Variants in CDH13 observed in about 807,000 individuals in gnomAD.
The protein encoded by CDH13 is cadherin-13.
A neutral mutation model predicts 63.8 loss-of-function variants in CDH13; 24 were observed. That is an observed-to-expected ratio of 0.38 (90% confidence interval 0.27 to 0.53). CDH13 has a LOEUF of 0.53. Ranked by LOEUF, CDH13 falls within the 20% of genes least tolerant of loss-of-function variation. The pLI is 0.85. For synonymous variants in CDH13, 503 were observed against 355.3 expected (o/e 1.42, Z -4.67); for missense variants, 1,049 against 903.1 (o/e 1.16, Z -2.07).
intron 4 of CDH13, among the ~76,000 whole-genome samples, chr16:83,190,125 A>C (rs751738050): frequency 6.6e-6 from 1 of 152,202 alleles, no homozygotes; most frequent in Non-Finnish European, 1.5e-5. Context: ...ACACACATCT[A>C]ACAAGAATAC....
chr16:82,959,968 T>A (rs1308580846), intron 2 of CDH13, among the ~76,000 whole-genome samples: 2 of 152,270 alleles, frequency 1.3e-5, no homozygotes, highest in Non-Finnish European at 2.9e-5. Context: ...TGTTGTTTTA[T>A]TTTTTAAAAA....
At chr16:83,792,023 C>G (rs186475042) in intron 13 of CDH13, among the ~76,000 whole-genome samples, 1 of 152,330 alleles carries the variant, frequency 6.6e-6, no homozygotes, top group Admixed American at 6.5e-5. Context: ...GCAATCCAGG[C>G]TCTCATTGAT....
At chr16:83,472,978 C>G (rs16960595) in intron 6 of CDH13, among the ~76,000 whole-genome samples, 3,405 of 152,142 alleles carry the variant, frequency 0.022, 137 homozygotes, top group African/African-American at 0.077. Context: ...ATGAATCCTG[C>G]CAAATGGAAA....
At chr16:83,371,942 C>G (rs901429954) in intron 6 of CDH13, among the ~76,000 whole-genome samples, 1 of 152,118 alleles carries the variant, frequency 6.6e-6, no homozygotes, top group Non-Finnish European at 1.5e-5. Context: ...ACTAATCATC[C>G]CCCGGACCGT....
At chr16:83,714,644 C>A (rs1347975276) in intron 10 of CDH13, among the ~76,000 whole-genome samples, 1 of 152,194 alleles carries the variant, frequency 6.6e-6, no homozygotes, top group Non-Finnish European at 1.5e-5. Context: ...GAGACTGTAA[C>A]ATATGACTAT....
chr16:83,329,841 G>T (rs1236400299), intron 5 of CDH13, among the ~76,000 whole-genome samples: 8 of 152,140 alleles, frequency 5.3e-5, no homozygotes, highest in Non-Finnish European at 5.9e-5. Context: ...TTATATTGTA[G>T]CATGTATCCA....
At chr16:83,579,105 C>A (rs1044522224) in intron 7 of CDH13, among the ~76,000 whole-genome samples, 6 of 152,178 alleles carry the variant, frequency 3.9e-5, no homozygotes, top group Admixed American at 3.9e-4. Context: ...AGAAAGTTGT[C>A]ATTTGTCCAG....
intron 6 of CDH13, among the ~76,000 whole-genome samples, chr16:83,358,160 G>T (rs1282295134): frequency 6.6e-6 from 1 of 152,134 alleles, no homozygotes; most frequent in East Asian, 1.9e-4. Flanking sequence ...AGACTGTATT[G>T]CTCAGCCTCC....
chr16:83,083,321 T>C (rs962738066), intron 3 of CDH13, among the ~76,000 whole-genome samples: 3 of 152,216 alleles, frequency 2.0e-5, no homozygotes, highest in Non-Finnish European at 2.9e-5. Context: ...TACATAACTC[T>C]ATACCGTACA....
intron 6 of CDH13, among the ~76,000 whole-genome samples, chr16:83,358,114 G>T (rs2091092785): frequency 6.6e-6 from 1 of 152,156 alleles, no homozygotes; most frequent in Admixed American, 6.5e-5. Context: ...TTTAGTAACA[G>T]ACCTCAGTAT....
intron 7 of CDH13, among the ~76,000 whole-genome samples, chr16:83,549,331 T>G (rs1243021665): frequency 6.6e-6 from 1 of 152,184 alleles, no homozygotes; most frequent in Admixed American, 6.5e-5. Context: ...AGCACCTATT[T>G]GGAAGTAAAA....
intron 1 of CDH13, among the ~76,000 whole-genome samples, chr16:82,799,146 G>T (rs559076274): frequency 6.6e-6 from 1 of 151,674 alleles, no homozygotes; most frequent in Admixed American, 6.6e-5. Flanking sequence ...TGCCTTCAGC[G>T]TGTTCAAAAG....
intron 10 of CDH13, among the ~76,000 whole-genome samples, chr16:83,728,024 G>T (rs1275934069): frequency 6.6e-6 from 1 of 152,210 alleles, no homozygotes; most frequent in African/African-American, 2.4e-5. Context: ...AAAAGCTTTT[G>T]AAAACTGTGA....
At chr16:83,074,662 T>C (rs1328255071) in intron 3 of CDH13, among the ~76,000 whole-genome samples, 1 of 152,348 alleles carries the variant, frequency 6.6e-6, no homozygotes, top group East Asian at 1.9e-4. Context: ...TAGCATCTGT[T>C]ATTTTTTGCA....
chr16:83,373,069 A>C (rs1465718702), intron 6 of CDH13, among the ~76,000 whole-genome samples: 2 of 152,216 alleles, frequency 1.3e-5, no homozygotes, highest in Non-Finnish European at 2.9e-5. Context: ...CCAGTTTTAA[A>C]GTTGGCTTTG....
chr16:82,627,212 G>C, intron 1 of CDH13, 75 bp downstream of exon 1: 2 of 1,276,218 alleles, frequency 1.6e-6, no homozygotes, highest in Non-Finnish European at 2.2e-6. Context: ...GGCAGGGTGA[G>C]GGGGCTTTCG....
intron 5 of CDH13, among the ~76,000 whole-genome samples, chr16:83,228,790 G>A (rs181315924): frequency 5.0e-4 from 76 of 152,262 alleles, no homozygotes; most frequent in African/African-American, 1.7e-3. Context: ...ATACTCCTGC[G>A]GCGAAAGGGA....
At chr16:83,522,719 G>A (rs1277556617) in intron 7 of CDH13, among the ~76,000 whole-genome samples, 1 of 152,188 alleles carries the variant, frequency 6.6e-6, no homozygotes, top group Non-Finnish European at 1.5e-5. Context: ...GTCGGGGTCT[G>A]GCCATCTCCA....
intron 4 of CDH13, among the ~76,000 whole-genome samples, chr16:83,161,605 C>T (rs1158645565): frequency 6.6e-6 from 1 of 152,098 alleles, no homozygotes; most frequent in Non-Finnish European, 1.5e-5. Context: ...CAACCACCAG[C>T]ATTTGTCTTG....
Sources: gnomAD v4.1 joint callset for allele counts (sites outside exome capture counted in the v4.1 genomes callset) on GRCh38, gnomAD v4.1.1 for gene constraint, MANE v1.5 for transcripts, NCBI Gene and HGNC (gene_info 2026-07-23, HGNC 2026-07-21) for gene names.